Variants in RCAN2 observed in about 807,000 individuals in gnomAD.
RCAN2 encodes the protein regulator of calcineurin 2.
In RCAN2, 9 loss-of-function variants were observed where a neutral mutation model predicts 23.6. The ratio of observed to expected loss-of-function variants is 0.38; its 90% confidence interval spans 0.23 to 0.67. RCAN2 has a LOEUF of 0.67. RCAN2 is among the 30% of genes least tolerant of loss of function. The pLI, the probability that RCAN2 is intolerant of heterozygous loss-of-function variation, is 0.51. For missense variants in RCAN2, 273 were observed against 302.3 expected, an observed-to-expected ratio of 0.90 and a Z score of 0.72; for synonymous variants, 109 against 115.7, an observed-to-expected ratio of 0.94 and a Z score of 0.37.
At chr6:46,335,813 T>G (rs971437602) in intron 2 of RCAN2, among the ~76,000 whole-genome samples, 1 of 152,238 alleles carries the variant, frequency 6.6e-6, no homozygotes, top group Non-Finnish European at 1.5e-5. Context: ...TCATATTTAT[T>G]AACTTATGTT....
At chr6:46,356,429 TCTGGAGGGAAAC>T (rs1393487509) in intron 2 of RCAN2, among the ~76,000 whole-genome samples, 2 of 152,144 alleles carry the variant, frequency 1.3e-5, no homozygotes, top group Non-Finnish European at 2.9e-5. Context: ...GACTTATTGG[TCTGGAGGGAAAC>T]CTGGAGGGTG....
At chr6:46,257,923 T>G (rs1766973260) in intron 2 of RCAN2, among the ~76,000 whole-genome samples, 1 of 152,222 alleles carries the variant, frequency 6.6e-6, no homozygotes, top group South Asian at 2.1e-4. Flanking sequence ...AAACCAGCTT[T>G]CCTTGTCAAT....
chr6:46,405,877 G>A (rs1321881856), intron 2 of RCAN2, among the ~76,000 whole-genome samples: 1 of 152,224 alleles, frequency 6.6e-6, no homozygotes, highest in African/African-American at 2.4e-5. Context: ...GGGAGGCTCA[G>A]GCATGGCAGG....
At chr6:46,298,883 T>C (rs1299508903) in intron 2 of RCAN2, among the ~76,000 whole-genome samples, 1 of 152,082 alleles carries the variant, frequency 6.6e-6, no homozygotes, top group Non-Finnish European at 1.5e-5. Flanking sequence ...GTGGACTGGA[T>C]GAAGAAAATG....
chr6:46,323,887 C>T (rs746520659), intron 2 of RCAN2, among the ~76,000 whole-genome samples: 2 of 152,176 alleles, frequency 1.3e-5, no homozygotes, highest in Non-Finnish European at 2.9e-5. Context: ...AATATTTTCT[C>T]ATTATCTTTT....
At chr6:46,450,294 A>G (rs1208600148) in intron 2 of RCAN2, among the ~76,000 whole-genome samples, 1 of 151,904 alleles carries the variant, frequency 6.6e-6, no homozygotes, top group African/African-American at 2.4e-5. Context: ...AAAAAAGGTG[A>G]AAGTGTTGGT....
intron 2 of RCAN2, among the ~76,000 whole-genome samples, chr6:46,272,941 A>G (rs1360390149): frequency 6.6e-6 from 1 of 152,198 alleles, no homozygotes; most frequent in Non-Finnish European, 1.5e-5. Flanking sequence ...ACCGTATCTA[A>G]GCCCCTCTAA....
chr6:46,403,109 C>T (rs1252987169), intron 2 of RCAN2, among the ~76,000 whole-genome samples: 6 of 151,966 alleles, frequency 3.9e-5, no homozygotes, highest in South Asian at 2.1e-4. Context: ...GGACTACAGG[C>T]GCCCGCCACC....
chr6:46,464,749 G>A (rs1373740094), intron 1 of RCAN2, among the ~76,000 whole-genome samples: 2 of 152,162 alleles, frequency 1.3e-5, no homozygotes, highest in African/African-American at 4.8e-5. Context: ...GGAACATGCA[G>A]TTTCCAACTC....
At chr6:46,445,262 A>T (rs1272272488) in intron 2 of RCAN2, among the ~76,000 whole-genome samples, 1 of 151,958 alleles carries the variant, frequency 6.6e-6, no homozygotes, top group Non-Finnish European at 1.5e-5. Context: ...AGAACCAATC[A>T]ATACGTTTAT....
chr6:46,472,494 G>A (rs763628928), intron 1 of RCAN2, among the ~76,000 whole-genome samples: 3 of 152,056 alleles, frequency 2.0e-5, no homozygotes, highest in East Asian at 1.9e-4. Flanking sequence ...GTGACTCTCC[G>A]CATCCCATTC....
chr6:46,308,428 A>T (rs1360964330), intron 2 of RCAN2, among the ~76,000 whole-genome samples: 3 of 152,180 alleles, frequency 2.0e-5, no homozygotes, highest in South Asian at 2.1e-4. Flanking sequence ...CATGTGAGGA[A>T]ACATTTGGAT....
intron 2 of RCAN2, among the ~76,000 whole-genome samples, chr6:46,277,097 A>C (rs1226897030): frequency 6.6e-6 from 1 of 152,100 alleles, no homozygotes; most frequent in African/African-American, 2.4e-5. Context: ...AGTAATTTAG[A>C]ATGGTGGTTG....
intron 2 of RCAN2, among the ~76,000 whole-genome samples, chr6:46,356,602 T>A (rs993635982): frequency 1.8e-4 from 27 of 152,164 alleles, no homozygotes; most frequent in African/African-American, 6.5e-4. Context: ...CTTGGATGGA[T>A]GTGAACGTGC....
intron 4 of RCAN2, among the ~76,000 whole-genome samples, chr6:46,243,684 C>T (rs1424428674): frequency 2.6e-5 from 4 of 151,752 alleles, no homozygotes; most frequent in Non-Finnish European, 5.9e-5. Context: ...GTGGCATGCG[C>T]CTGTAGTCCC....
chr6:46,466,775 T>C (rs770905615), intron 1 of RCAN2, among the ~76,000 whole-genome samples: 2 of 152,160 alleles, frequency 1.3e-5, no homozygotes, highest in Non-Finnish European at 2.9e-5. Flanking sequence ...ATCACAAGTC[T>C]CAGTATCAAG....
At chr6:46,285,682 T>C (rs1762353539) in intron 2 of RCAN2, among the ~76,000 whole-genome samples, 1 of 152,250 alleles carries the variant, frequency 6.6e-6, no homozygotes, top group Admixed American at 6.5e-5. Context: ...TGAATCATTT[T>C]ATTTTTCTAC....
At chr6:46,446,074 C>T (rs1215978786) in intron 2 of RCAN2, among the ~76,000 whole-genome samples, 4 of 150,986 alleles carry the variant, frequency 2.6e-5, no homozygotes, top group East Asian at 1.9e-4. Context: ...GGAAGGTCTC[C>T]ACTAAGATTC....
At chr6:46,404,253 A>G (rs1766337942) in intron 2 of RCAN2, among the ~76,000 whole-genome samples, 1 of 151,984 alleles carries the variant, frequency 6.6e-6, no homozygotes, top group African/African-American at 2.4e-5. Flanking sequence ...TGGAAGAGGG[A>G]AATGAGTGCT....
Sources: allele counts gnomAD v4.1 joint callset (sites outside exome capture counted in the v4.1 genomes callset), GRCh38; gene constraint gnomAD v4.1.1; transcripts MANE v1.5; gene names NCBI Gene and HGNC (gene_info 2026-07-23, HGNC 2026-07-21).